GDAP2: variants seen among roughly 807,000 people sequenced by gnomAD.
GDAP2 encodes the protein ganglioside-induced differentiation-associated protein 2.
GDAP2 carries 51 observed loss-of-function variants against 67.0 expected under a neutral mutation model. The observed-to-expected ratio is 0.76, with a 90% CI of 0.61 to 0.96. The LOEUF (loss-of-function observed/expected upper bound fraction) is 0.96, where lower values mean the gene tolerates loss of function less well. Among genes scored for constraint, GDAP2 ranks in the 40% least tolerant of loss-of-function variants. The pLI, the probability that GDAP2 is intolerant of heterozygous loss-of-function variation, is 0.00. For missense variants in GDAP2, 547 were observed against 588.3 expected (o/e 0.93, Z 0.73); for synonymous variants, 203 against 207.3 (o/e 0.98, Z 0.18).
At chr1:117,892,849 G>A (rs933875916) in intron 8 of GDAP2, among the ~76,000 whole-genome samples, 1 of 152,038 alleles carries the variant, frequency 6.6e-6, no homozygotes, top group Non-Finnish European at 1.5e-5. Flanking sequence ...ATCGCCCAGG[G>A]AAAATTCTGT....
chr1:117,883,160 A>C (rs1648722235), intron 11 of GDAP2: 1 of 172,894 alleles, frequency 5.8e-6, no homozygotes, highest in Non-Finnish European at 1.2e-5. Context: ...ATCTCTCCTA[A>C]CCAACTCCTG....
intron 7 of GDAP2, among the ~76,000 whole-genome samples, chr1:117,897,441 A>T (rs1649304388): frequency 6.6e-6 from 1 of 152,236 alleles, no homozygotes; most frequent in African/African-American, 2.4e-5. Context: ...CCCAACATGG[A>T]TGTACCAGGA....
chr1:117,890,814 G>A (rs963375896), intron 8 of GDAP2, among the ~76,000 whole-genome samples: 1 of 151,428 alleles, frequency 6.6e-6, no homozygotes, highest in African/African-American at 2.4e-5. Flanking sequence ...TAATCTCTTG[G>A]GTCTTACATT....
chr1:117,911,850 A>C (rs1649867815), intron 5 of GDAP2, 144 bp downstream of exon 5: 19 of 539,100 alleles, frequency 3.5e-5, no homozygotes, highest in Non-Finnish European at 3.7e-5. Flanking sequence ...ATCACAGCTC[A>C]CTGCAGCCTT....
chr1:117,874,672 C>T (rs1387539992), intron 13 of GDAP2, among the ~76,000 whole-genome samples: 1 of 152,078 alleles, frequency 6.6e-6, no homozygotes, highest in Non-Finnish European at 1.5e-5. Context: ...GAAGAGTCTG[C>T]AAGGATCAGA....
At chr1:117,922,950 G>C (rs1395859531) in intron 1 of GDAP2, among the ~76,000 whole-genome samples, 1 of 152,192 alleles carries the variant, frequency 6.6e-6, no homozygotes, top group African/African-American at 2.4e-5. Flanking sequence ...TCCCACGGTG[G>C]ACATTTCAGA....
At position 117,878,067 on chromosome 1, in the gene GDAP2, GA is replaced by G; in HGVS notation, c.1387del (p.Ser463LeufsTer54). On this transcript the variant is annotated frameshift_variant, in exon 13 of 14. Transcript: ENST00000369443. LOFTEE classifies it high-confidence loss of function. Reference sequence around the variant, plus strand: ...GTCAATCTGTTCTGGTGATATGGCAGAAAACAGCTGGTGGAGGCTGTCCACA... The same window carrying G: ...GTCAATCTGTTCTGGTGATATGGCAGAAACAGCTGGTGGAGGCTGTCCACA... ...HHVDSLHQLF[S>X]AISPEQIDFP... is the part of the protein sequence containing the mutation. 1 of 1,612,686 alleles carries G rather than the reference GA, an allele frequency of 6.2e-7. No individual in the cohort carries two copies. The highest frequency in any genetic ancestry group is 8.5e-7 in the Non-Finnish European group (1 of 1,178,806).
chr1:117,899,831 T>C (rs538287263), intron 6 of GDAP2, among the ~76,000 whole-genome samples: 1 of 152,216 alleles, frequency 6.6e-6, no homozygotes, highest in Non-Finnish European at 1.5e-5. Flanking sequence ...ATTTTCATCT[T>C]CCTAGGAATT....
chr1:117,910,111 T>C (rs548115874), intron 5 of GDAP2, among the ~76,000 whole-genome samples: 5 of 152,170 alleles, frequency 3.3e-5, no homozygotes, highest in African/African-American at 9.6e-5. Context: ...TGTAATAACA[T>C]AGTAGTCTTC....
intron 1 of GDAP2, among the ~76,000 whole-genome samples, chr1:117,928,991 G>C (rs1289465690): frequency 6.6e-6 from 1 of 152,166 alleles, no homozygotes; most frequent in Non-Finnish European, 1.5e-5. Flanking sequence ...AGCCAGGCCA[G>C]TGTCACTCCA....
At chr1:117,922,315 G>C (rs1401078810) in intron 1 of GDAP2, among the ~76,000 whole-genome samples, 1 of 152,180 alleles carries the variant, frequency 6.6e-6, no homozygotes, top group Non-Finnish European at 1.5e-5. Flanking sequence ...GGACAAGTCA[G>C]AAAGTGAGAG....
intron 5 of GDAP2, among the ~76,000 whole-genome samples, chr1:117,907,805 T>G (rs1435838151): frequency 6.6e-6 from 1 of 152,178 alleles, no homozygotes; most frequent in Non-Finnish European, 1.5e-5. Flanking sequence ...CTGAGTTATC[T>G]TCTCATGTTA....
chr1:117,889,310 T>C (rs1570972667), intron 8 of GDAP2, among the ~76,000 whole-genome samples: 1 of 150,170 alleles, frequency 6.7e-6, no homozygotes, highest in Non-Finnish European at 1.5e-5. Flanking sequence ...CTCACATATT[T>C]ATCATTTTTT....
intron 8 of GDAP2, among the ~76,000 whole-genome samples, chr1:117,890,787 G>T (rs150798935): frequency 2.2e-4 from 34 of 152,116 alleles, no homozygotes; most frequent in African/African-American, 8.2e-4. Context: ...ATTTAAAAAA[G>T]CTTATCATGC....
At chr1:117,879,139 C>T (rs1055322736) in intron 12 of GDAP2, among the ~76,000 whole-genome samples, 2 of 152,100 alleles carry the variant, frequency 1.3e-5, no homozygotes, top group African/African-American at 2.4e-5. Context: ...CAAGTAAAAG[C>T]TGATAGTGGG....
At position 117,877,715 on chromosome 1, in the gene GDAP2, G is replaced by T. The variant is rs544855091; in HGVS notation, c.1446+294C>A. ...TCAATCTTAAGAAAATTAGGCAGAGGTATCTGTTTTAAATATGGTAGAAAA... is the reference window on the plus strand; with the variant it reads ...TCAATCTTAAGAAAATTAGGCAGAGTTATCTGTTTTAAATATGGTAGAAAA... On this transcript the variant is annotated intron_variant, in intron 13 of 13. Transcript: ENST00000369443. 1.5e-5 allele frequency: 17 copies of T among 1,099,260 alleles called. No individual in the cohort carries two copies. The East Asian group carries it at 8.4e-4, about 54-fold the overall frequency. 68.1% of individuals were successfully genotyped at this position (1,099,260 alleles called of 1,614,324 possible).
intron 13 of GDAP2, among the ~76,000 whole-genome samples, chr1:117,873,414 C>CCT (rs1648353843): frequency 6.9e-6 from 1 of 145,262 alleles, no homozygotes; most frequent in African/African-American, 2.5e-5. Flanking sequence ...ACTTGGGTTT[C>CCT]TTTTTTTTTT....
At position 117,886,621 on chromosome 1, in the gene GDAP2, C is replaced by T. The variant is rs1223440440; in HGVS notation, c.1063G>A (p.Val355Ile). Reference sequence around the variant, plus strand: ...GTTACAGGAATGTTTCTTCCAACTACCACCATCACTGTTCGACCACAGTTA... The same window carrying T: ...GTTACAGGAATGTTTCTTCCAACTATCACCATCACTGTTCGACCACAGTTA... ...VDNCGRTVMV[V>I]VGRNIPVTLI... Residue 355 changes from valine to isoleucine, a missense_variant, in exon 10 of 14, where the codon GTA (valine) becomes ATA (isoleucine). Val to Ile is a conservative substitution (Grantham distance 29). Coordinates refer to ENST00000369443, the MANE Select transcript of GDAP2 (RefSeq NM_017686.4). 3 of 1,592,120 alleles carry T rather than the reference C, an allele frequency of 1.9e-6. No individual in the cohort carries two copies. The African/African-American group carries it at 4.0e-5, about 21-fold the overall frequency.
chr1:117,886,265 G>T (rs1198754020), intron 10 of GDAP2, among the ~76,000 whole-genome samples: 2 of 151,922 alleles, frequency 1.3e-5, no homozygotes, highest in Non-Finnish European at 2.9e-5. Flanking sequence ...TTTCAAAAAA[G>T]AATTTGATTA....
Sources: allele counts gnomAD v4.1 joint callset (sites outside exome capture counted in the v4.1 genomes callset), GRCh38; gene constraint gnomAD v4.1.1; transcripts MANE v1.5; gene names NCBI Gene and HGNC (gene_info 2026-07-23, HGNC 2026-07-21).